The following TRDN variants were observed in gnomAD, a reference collection of about 807,000 sequenced individuals.
The protein encoded by TRDN is triadin.
TRDN carries 161 observed loss-of-function variants against 149.7 expected under a neutral mutation model. The observed-to-expected ratio is 1.08, with a 90% CI of 0.95 to 1.23. The LOEUF (loss-of-function observed/expected upper bound fraction) is 1.23, where lower values mean the gene tolerates loss of function less well. Ranked by LOEUF, TRDN falls within the 50% of genes most tolerant of loss-of-function variation. The pLI, the probability that TRDN is intolerant of heterozygous loss-of-function variation, is 0.00. For synonymous variants in TRDN, 294 were observed against 250.5 expected (o/e 1.17, Z -1.64); for missense variants, 896 against 823.5 (o/e 1.09, Z -1.08).
chr6:123,502,517 T>G, intron 8 of TRDN: 1 of 955,238 alleles, frequency 1.0e-6, no homozygotes, highest in Non-Finnish European at 1.2e-6. Context: ...AATATGTATC[T>G]TTTGTCATAT....
intron 4 of TRDN, among the ~76,000 whole-genome samples, chr6:123,534,987 T>G (rs2114364221): frequency 6.6e-6 from 1 of 152,258 alleles, no homozygotes; most frequent in South Asian, 2.1e-4. Flanking sequence ...AGGTGTTAAG[T>G]CTCAGCACCA....
chr6:123,286,748 G>A (rs1037146416), intron 24 of TRDN, among the ~76,000 whole-genome samples: 1 of 152,010 alleles, frequency 6.6e-6, no homozygotes, highest in Non-Finnish European at 1.5e-5. Flanking sequence ...TCAGCATGTG[G>A]GGGAGTGTTG....
chr6:123,508,468 C>CATCATCA (rs1465257327), intron 7 of TRDN, among the ~76,000 whole-genome samples: 2 of 152,158 alleles, frequency 1.3e-5, no homozygotes, highest in Non-Finnish European at 2.9e-5. Context: ...ACCTCTGCCA[C>CATCATCA]ATCATCAAAC....
chr6:123,269,748 C>G (rs1777141858), intron 31 of TRDN, 101 bp downstream of exon 31: 2 of 1,158,670 alleles, frequency 1.7e-6, no homozygotes, highest in East Asian at 2.6e-5. Flanking sequence ...TAGACACAGA[C>G]AACACTGAAA....
intron 9 of TRDN, among the ~76,000 whole-genome samples, chr6:123,482,345 T>C (rs796799433): frequency 3.3e-5 from 5 of 152,316 alleles, no homozygotes; most frequent in African/African-American, 4.8e-5. Context: ...AGATAGAGGA[T>C]AAAATGGAAG....
intron 26 of TRDN, among the ~76,000 whole-genome samples, chr6:123,275,709 C>T (rs1299584221): frequency 6.6e-6 from 1 of 151,976 alleles, no homozygotes; most frequent in African/African-American, 2.4e-5. Context: ...ATATAGAAAG[C>T]CTAGATTGCT....
chr6:123,274,793 A>T lies in TRDN; in HGVS notation c.1568-123T>A, dbSNP rs553302484. Reference sequence around the variant, plus strand: ...GAGGATGAGGCAGGAGAATTGCTTGAACCCAGGAGGCAGAGGTTTCAGTGA... The same window carrying T: ...GAGGATGAGGCAGGAGAATTGCTTGTACCCAGGAGGCAGAGGTTTCAGTGA... On this transcript the variant is annotated intron_variant, in intron 26 of 40. Transcript: ENST00000334268. The T allele has an allele frequency of 1.0e-5, 9 of 901,818 alleles. No homozygotes were observed. The African/African-American group carries it at 1.4e-4, about 14-fold the overall frequency. 55.9% of individuals were successfully genotyped at this position (901,818 alleles called of 1,614,324 possible). A position where few individuals can be genotyped will look rare whatever the true frequency, so the allele number is the denominator to read the frequency against.
chr6:123,528,549 A>G, intron 5 of TRDN: 1 of 757,678 alleles, frequency 1.3e-6, no homozygotes, highest in Non-Finnish European at 1.6e-6. Flanking sequence ...CCTTTCAAAT[A>G]CTGTATCTTT....
At chr6:123,396,107 G>A (rs755984104) in intron 12 of TRDN, among the ~76,000 whole-genome samples, 5 of 152,188 alleles carry the variant, frequency 3.3e-5, no homozygotes, top group South Asian at 2.1e-4. Flanking sequence ...GGGAGGAATC[G>A]ACCCTGAGTC....
intron 24 of TRDN, among the ~76,000 whole-genome samples, chr6:123,312,203 C>T (rs895086432): frequency 6.6e-6 from 1 of 151,866 alleles, no homozygotes; most frequent in Non-Finnish European, 1.5e-5. Context: ...TATCTAGAAA[C>T]ATTTTTGGAG....
At chr6:123,480,260 A>G (rs1777687612) in intron 9 of TRDN, among the ~76,000 whole-genome samples, 1 of 151,836 alleles carries the variant, frequency 6.6e-6, no homozygotes, top group Admixed American at 6.6e-5. Flanking sequence ...AAAAAAAAAA[A>G]AAAAAGAATG....
intron 23 of TRDN, among the ~76,000 whole-genome samples, chr6:123,321,850 G>A (rs6934091): frequency 0.93 from 140,802 of 151,526 alleles, 65,474 homozygotes; most frequent in East Asian, 0.99. Flanking sequence ...TTTGTGGTCC[G>A]GATAAATATA....
At chr6:123,378,807 G>A (rs1044207554) in intron 16 of TRDN, among the ~76,000 whole-genome samples, 3 of 152,078 alleles carry the variant, frequency 2.0e-5, no homozygotes, top group Non-Finnish European at 4.4e-5. Context: ...TTGCTTTTAG[G>A]ACAAATGCTC....
intron 38 of TRDN, among the ~76,000 whole-genome samples, chr6:123,245,144 C>T (rs1030011048): frequency 4.6e-5 from 7 of 152,086 alleles, no homozygotes; most frequent in African/African-American, 1.7e-4. Flanking sequence ...CAAAAACATA[C>T]CAAAATGTGA....
chr6:123,230,607 T>A (rs1775563753), intron 38 of TRDN, among the ~76,000 whole-genome samples: 2 of 151,794 alleles, frequency 1.3e-5, no homozygotes, highest in Admixed American at 6.6e-5. Context: ...TTGGAATATA[T>A]TCAACACCCT....
chr6:123,632,685 A>G (rs1345649447), intron 1 of TRDN, among the ~76,000 whole-genome samples: 2 of 152,030 alleles, frequency 1.3e-5, no homozygotes, highest in African/African-American at 4.8e-5. Flanking sequence ...CTAGTGCTAC[A>G]TCCCTTTGTA....
chr6:123,411,002 T>C (rs1182945988), intron 12 of TRDN, among the ~76,000 whole-genome samples: 1 of 151,548 alleles, frequency 6.6e-6, no homozygotes, highest in African/African-American at 2.4e-5. Flanking sequence ...GCCTGGTGTG[T>C]AGCTGTTATT....
intron 24 of TRDN, among the ~76,000 whole-genome samples, chr6:123,291,230 T>C (rs190405227): frequency 5.9e-5 from 9 of 152,084 alleles, no homozygotes. Context: ...TCTTGTATAG[T>C]CATATTTTGT....
chr6:123,261,381 T>G (rs927585522), intron 33 of TRDN, among the ~76,000 whole-genome samples: 22 of 151,922 alleles, frequency 1.4e-4, no homozygotes, highest in Non-Finnish European at 1.9e-4. Flanking sequence ...GACTACAGTC[T>G]GATAAGTGAT....
Sources: gnomAD v4.1 joint callset for allele counts (sites outside exome capture counted in the v4.1 genomes callset) on GRCh38, gnomAD v4.1.1 for gene constraint, MANE v1.5 for transcripts, NCBI Gene and HGNC (gene_info 2026-07-23, HGNC 2026-07-21) for gene names.